The following FNDC1 variants were observed in gnomAD, a reference collection of about 807,000 sequenced individuals.
The protein encoded by FNDC1 is fibronectin type III domain-containing protein 1.
FNDC1 carries 96 observed loss-of-function variants against 168.0 expected under a neutral mutation model. The ratio of observed to expected loss-of-function variants is 0.57; its 90% CI spans 0.48 to 0.68. The LOEUF (loss-of-function observed/expected upper bound fraction) is 0.68, where lower values mean the gene tolerates loss of function less well. Ranked by LOEUF, FNDC1 falls within the 30% of genes least tolerant of loss-of-function variation. FNDC1 has a pLI of 0.00. For missense variants in FNDC1, 2,587 were observed against 2,482.1 expected, an observed-to-expected ratio of 1.04 and a Z score of -0.90; for synonymous variants, 1,099 against 1,025.9, an observed-to-expected ratio of 1.07 and a Z score of -1.36.
At chr6:159,248,711 G>T (rs1438966366) in intron 15 of FNDC1, among the ~76,000 whole-genome samples, 1 of 152,178 alleles carries the variant, frequency 6.6e-6, no homozygotes, top group Non-Finnish European at 1.5e-5. Context: ...CCAGTGCCAT[G>T]AGCTACAAGG....
In FNDC1 at chr6:159,225,537, A is replaced by G. The variant is rs776318570; in HGVS notation, c.887A>G (p.Gln296Arg). 85 of 1,609,648 alleles carry G rather than the reference A, an allele frequency of 5.3e-5. No homozygotes were observed. The highest frequency in any genetic ancestry group is 5.1e-6 in the Non-Finnish European group (6 of 1,176,922). The stretch of plus-strand genomic sequence containing the variant: ...CATTGTGTTGTGTTTTCTTACAGAC[A>G]GTACACCGTGCGCTATCGAGAGAAG... ...EKQKKVVASR[Q>R]YTVRYREKGE... The change falls in exon 8 of 23, where the codon CAG becomes CGG. Residue 296 changes from glutamine to arginine, a missense_variant and splice_region_variant. Transcript: ENST00000297267.
intron 17 of FNDC1, among the ~76,000 whole-genome samples, chr6:159,255,492 G>C (rs1397646052): frequency 6.6e-6 from 1 of 152,170 alleles, no homozygotes. Flanking sequence ...GTGTCATTCT[G>C]TTTCCCAGTG....
At chr6:159,210,705 A>T (rs543513067) in intron 4 of FNDC1, among the ~76,000 whole-genome samples, 10 of 152,248 alleles carry the variant, frequency 6.6e-5, no homozygotes, top group African/African-American at 2.4e-4. Flanking sequence ...GCTGGAGCTC[A>T]CCAACTTTGG....
At chr6:159,192,321 C>G (rs1782158472) in intron 1 of FNDC1, among the ~76,000 whole-genome samples, 1 of 152,232 alleles carries the variant, frequency 6.6e-6, no homozygotes, top group African/African-American at 2.4e-5. Context: ...AAAAGCAACA[C>G]TTTTAATCCA....
chr6:159,181,684 G>A (rs6934795), intron 1 of FNDC1, among the ~76,000 whole-genome samples: 2,574 of 152,230 alleles, frequency 0.017, 76 homozygotes, highest in African/African-American at 0.058. Context: ...CTTGCCTGGC[G>A]GGCACACTTT....
chr6:159,190,041 T>C (rs991776047), intron 1 of FNDC1, among the ~76,000 whole-genome samples: 1 of 152,212 alleles, frequency 6.6e-6, no homozygotes, highest in Non-Finnish European at 1.5e-5. Flanking sequence ...CAAAGCCTTC[T>C]GGGGTCCTGA....
At chr6:159,247,332 C>T (rs2115010297) in intron 15 of FNDC1, among the ~76,000 whole-genome samples, 1 of 151,414 alleles carries the variant, frequency 6.6e-6, no homozygotes, top group South Asian at 2.1e-4. Context: ...AGTCCAACTT[C>T]CTTACTTGGC....
intron 22 of FNDC1, among the ~76,000 whole-genome samples, chr6:159,269,440 T>C (rs1777680930): frequency 7.0e-6 from 1 of 143,160 alleles, no homozygotes; most frequent in Admixed American, 7.2e-5. Context: ...TATCCATCCA[T>C]TATCTACCTA....
chr6:159,234,340 C>G lies in FNDC1; in HGVS notation c.3828C>G (p.His1276Gln). Residue 1276 changes from histidine to glutamine, a missense_variant, in exon 11 of 23, where the codon CAC (histidine) becomes CAG (glutamine). Coordinates refer to ENST00000297267, the MANE Select transcript of FNDC1 (RefSeq NM_032532.3). ...AATVSPVAGT[H>Q]PWPQYTTRAP... The stretch of plus-strand genomic sequence containing the variant: ...CCGTGAGCCCCGTCGCGGGCACCCA[C>G]CCCTGGCCGCAGTACACCACGCGCG... The G allele has an allele frequency of 6.2e-7, 1 of 1,611,170 alleles. No individual in the cohort carries two copies. Among genetic ancestry groups the G allele is most frequent in the Non-Finnish European group, 8.5e-7 (1 of 1,178,672 alleles).
At chr6:159,177,297 C>T (rs923740665) in intron 1 of FNDC1, among the ~76,000 whole-genome samples, 14 of 152,114 alleles carry the variant, frequency 9.2e-5, no homozygotes, top group South Asian at 6.2e-4. Context: ...GTGTGGATAG[C>T]GGGTACCTTA....
At chr6:159,243,032 T>C (rs1366595759) in intron 14 of FNDC1, among the ~76,000 whole-genome samples, 1 of 152,244 alleles carries the variant, frequency 6.6e-6, no homozygotes, top group Non-Finnish European at 1.5e-5. Flanking sequence ...GACTTCTCTG[T>C]TGGATAATAA....
At chr6:159,234,533 C>A in intron 11 of FNDC1, 54 bp downstream of exon 11, 3 of 1,554,060 alleles carry the variant, frequency 1.9e-6, no homozygotes, top group Non-Finnish European at 2.6e-6. Flanking sequence ...GTGTTCATGG[C>A]AATGCCTAAG....
At chr6:159,235,964 A>C (rs1783244482) in intron 11 of FNDC1, among the ~76,000 whole-genome samples, 2 of 152,242 alleles carry the variant, frequency 1.3e-5, no homozygotes, top group African/African-American at 4.8e-5. Flanking sequence ...CTTATGCCAC[A>C]CACTCTCATT....
chr6:159,169,688 CCTCGGCGGCGGCCTCAGGTACGCGCCGCG>C lies in FNDC1; in HGVS notation c.94_109+13del. 1 of 1,161,024 alleles carries C rather than the reference CCTCGGCGGCGGCCTCAGGTACGCGCCGCG, an allele frequency of 8.6e-7. No homozygotes were observed. Among genetic ancestry groups the C allele is most frequent in the Non-Finnish European group, 1.1e-6 (1 of 942,436 alleles). 71.9% of individuals were successfully genotyped at this position (1,161,024 alleles called of 1,614,324 possible). On this transcript the variant is annotated splice_donor_variant and splice_donor_5th_base_variant and coding_sequence_variant and intron_variant, in exon 1 of 23. Coordinates refer to ENST00000297267, the MANE Select transcript of FNDC1 (RefSeq NM_032532.3). LOFTEE classifies it high-confidence loss of function. The surrounding 1 kb of genome is among the most constrained non-coding windows in gnomAD (Gnocchi z 6.8). Reference sequence around the variant, plus strand: ...TTGGCCGCGCTGCTCCCCGTCGCCTCCTCGGCGGCGGCCTCAGGTACGCGCCGCGCCCGGGCCCCCGGCGCTCCTCAGCT... The same window carrying C: ...TTGGCCGCGCTGCTCCCCGTCGCCTCCCCGGGCCCCCGGCGCTCCTCAGCT...
At position 159,223,673 on chromosome 6, in the gene FNDC1, T is replaced by C. The variant is rs376633678; in HGVS notation, c.884+28T>C. 2.1e-6 allele frequency: 3 copies of C among 1,420,674 alleles called. No individual in the cohort carries two copies. The African/African-American group carries it at 4.3e-5, about 20-fold the overall frequency. The allele number at this position is 1,420,674 out of a possible 1,614,324, so 88.0% of individuals were successfully genotyped here. A position where few individuals can be genotyped will look rare whatever the true frequency, so the allele number is the denominator to read the frequency against. On this transcript the variant is annotated intron_variant, in intron 7 of 22. Transcript: ENST00000297267. ...ACTTTTGCTTATTTATTTGTCTTTA[T>C]ATATGAGAGATGGGGTTTTTCTGGC... is the stretch of plus-strand genomic sequence containing the variant.
chr6:159,221,784 AC>A, intron 6 of FNDC1, 88 bp downstream of exon 6: 1 of 1,056,666 alleles, frequency 9.5e-7, no homozygotes, highest in South Asian at 1.3e-5. Context: ...ATGATGAATT[AC>A]ATGAATTTTA....
intron 19 of FNDC1, 63 bp downstream of exon 19, chr6:159,261,332 C>T (rs1777480102): frequency 3.6e-6 from 4 of 1,119,236 alleles, no homozygotes; most frequent in East Asian, 2.4e-5. Context: ...AATAATCTAG[C>T]ATGATGGCTA....
chr6:159,260,442 A>G (rs1196561378), intron 18 of FNDC1, among the ~76,000 whole-genome samples: 2 of 152,114 alleles, frequency 1.3e-5, no homozygotes, highest in East Asian at 1.9e-4. Flanking sequence ...TCCAAGACAA[A>G]ATTTAGCCCT....
Position 159,234,178 on chromosome 6 carries a change from A to C in FNDC1, c.3666A>C (p.Glu1222Asp), listed in dbSNP as rs542383745. ...GKDADGSLAK[E>D]EREPAIALAP... ...ACGCCGATGGGAGCCTCGCCAAGGA[A>C]GAGAGGGAGCCTGCCATCGCGCTTG... is the stretch of plus-strand genomic sequence containing the variant. Residue 1222 changes from glutamate (E) to aspartate (D), a missense_variant, in exon 11 of 23, where the codon GAA becomes GAC. By Grantham distance (45) the Glu-to-Asp change is conservative (BLOSUM62 2). Coordinates refer to ENST00000297267, the MANE Select transcript of FNDC1 (RefSeq NM_032532.3). 5.0e-6 allele frequency: 8 copies of C among 1,600,036 alleles called. No individual in the cohort carries two copies. Among genetic ancestry groups the C allele is most frequent in the Non-Finnish European group, 6.8e-6 (8 of 1,173,598 alleles).
Sources: allele counts gnomAD v4.1 joint callset (sites outside exome capture counted in the v4.1 genomes callset), GRCh38; gene constraint gnomAD v4.1.1; non-coding constraint Gnocchi (gnomAD v3.1); transcripts MANE v1.5; gene names NCBI Gene and HGNC (gene_info 2026-07-23, HGNC 2026-07-21).